LRRC28: variants seen among roughly 807,000 people sequenced by gnomAD.
The protein encoded by LRRC28 is leucine rich repeat containing 28, also known as leucine-rich repeat-containing protein 28.
Under a neutral mutation model 45.7 loss-of-function variants are expected in LRRC28, and 39 were observed. The observed-to-expected ratio is 0.85, with a 90% CI of 0.66 to 1.12. The LOEUF (loss-of-function observed/expected upper bound fraction) is 1.12. Among genes scored for constraint, LRRC28 ranks in the 50% most tolerant of loss-of-function variants. LRRC28 has a pLI of 0.00. For missense variants in LRRC28, 435 were observed against 438.5 expected, an observed-to-expected ratio of 0.99 and a Z score of 0.07; for synonymous variants, 206 against 178.8, an observed-to-expected ratio of 1.15 and a Z score of -1.22.
At chr15:99,299,937 T>A (rs1255944276) in intron 5 of LRRC28, among the ~76,000 whole-genome samples, 1 of 152,290 alleles carries the variant, frequency 6.6e-6, no homozygotes. Context: ...ATAACAAATA[T>A]CACTAGTTGT....
chr15:99,382,530 A>G (rs6598240), intron 9 of LRRC28, among the ~76,000 whole-genome samples: 41,809 of 152,172 alleles, frequency 0.27, 5,848 homozygotes, highest in East Asian at 0.36. Flanking sequence ...GTTTAATTTC[A>G]AAATATTTAG....
intron 7 of LRRC28, among the ~76,000 whole-genome samples, chr15:99,357,430 C>G (rs1338416667): frequency 6.6e-6 from 1 of 152,166 alleles, no homozygotes; most frequent in Non-Finnish European, 1.5e-5. Flanking sequence ...CTACAGTACA[C>G]AAAGCAACAT....
At chr15:99,329,491 G>A (rs1956090318) in intron 5 of LRRC28, among the ~76,000 whole-genome samples, 1 of 152,182 alleles carries the variant, frequency 6.6e-6, no homozygotes, top group Non-Finnish European at 1.5e-5. Flanking sequence ...TTCCAACACT[G>A]GAGGTATAAA....
chr15:99,269,255 T>C (rs954805207), intron 2 of LRRC28, among the ~76,000 whole-genome samples: 1 of 152,264 alleles, frequency 6.6e-6, no homozygotes, highest in African/African-American at 2.4e-5. Context: ...AATACTTTCA[T>C]TTATTTCTAA....
At chr15:99,287,091 ATTAG>A (rs1390862214) in intron 3 of LRRC28, among the ~76,000 whole-genome samples, 162 bp from the exon 4 acceptor site, 1 of 152,236 alleles carries the variant, frequency 6.6e-6, no homozygotes, top group Non-Finnish European at 1.5e-5. Flanking sequence ...TCAAAGTATT[ATTAG>A]TTAGCTGTGA....
intron 6 of LRRC28, among the ~76,000 whole-genome samples, chr15:99,347,644 T>G (rs1430289771): frequency 6.6e-6 from 1 of 152,262 alleles, no homozygotes; most frequent in Non-Finnish European, 1.5e-5. Context: ...TTCCATTATG[T>G]ATATGTACCA....
At chr15:99,307,806 A>G (rs1198826337) in intron 5 of LRRC28, among the ~76,000 whole-genome samples, 1 of 152,190 alleles carries the variant, frequency 6.6e-6, no homozygotes, top group Non-Finnish European at 1.5e-5. Flanking sequence ...TTAAGGTGCA[A>G]TATGTTATAC....
intron 9 of LRRC28, among the ~76,000 whole-genome samples, chr15:99,379,980 A>G (rs1957767792): frequency 6.6e-6 from 1 of 152,210 alleles, no homozygotes; most frequent in African/African-American, 2.4e-5. Context: ...CAATTTTTGA[A>G]TAAGTGTGAT....
chr15:99,313,387 A>C (rs1955483621), intron 5 of LRRC28, among the ~76,000 whole-genome samples: 1 of 152,104 alleles, frequency 6.6e-6, no homozygotes, highest in East Asian at 1.9e-4. Context: ...GAGAACAAGT[A>C]AAGATATAGA....
At chr15:99,284,042 C>G (rs1212740935) in intron 3 of LRRC28, among the ~76,000 whole-genome samples, 1 of 152,210 alleles carries the variant, frequency 6.6e-6, no homozygotes, top group Non-Finnish European at 1.5e-5. Flanking sequence ...CCTGCAACAT[C>G]ACAGATTAGG....
intron 5 of LRRC28, among the ~76,000 whole-genome samples, chr15:99,306,238 A>G (rs533580740): frequency 9.2e-5 from 14 of 152,352 alleles, no homozygotes; most frequent in African/African-American, 2.9e-4. Context: ...ACAGAAATAA[A>G]ACTGTGCACG....
chr15:99,276,575 G>C lies in LRRC28; in HGVS notation c.169-1G>C. The C allele has an allele frequency of 1.3e-6, 2 of 1,535,394 alleles. No homozygotes were observed. The highest frequency in any genetic ancestry group is 1.7e-6 in the Non-Finnish European group (2 of 1,149,188). ...TTTAATTCTGAGTTTTTAATTTTCAGCCAGAAAACCTTGCTCAGAAGCTTC... is the reference window on the plus strand; with the variant it reads ...TTTAATTCTGAGTTTTTAATTTTCACCCAGAAAACCTTGCTCAGAAGCTTC... On this transcript the variant is annotated splice_acceptor_variant, in intron 2 of 9. Coordinates refer to ENST00000301981, the MANE Select transcript of LRRC28 (RefSeq NM_144598.5). LOFTEE classifies it high-confidence loss of function.
chr15:99,259,000 G>T (rs765590361), intron 2 of LRRC28: 1 of 778,140 alleles, frequency 1.3e-6, no homozygotes, highest in Admixed American at 1.7e-5. Flanking sequence ...TGATTAGGAA[G>T]AAACTTGTTC....
intron 9 of LRRC28, among the ~76,000 whole-genome samples, chr15:99,364,241 G>A (rs1342829008): frequency 1.3e-5 from 2 of 152,184 alleles, no homozygotes; most frequent in Admixed American, 1.3e-4. Context: ...GGATACAACA[G>A]CCTGCGTGGC....
chr15:99,380,799 A>G (rs111346679), intron 9 of LRRC28, among the ~76,000 whole-genome samples: 1 of 152,162 alleles, frequency 6.6e-6, no homozygotes, highest in African/African-American at 2.4e-5. Context: ...ATGAAGCTTA[A>G]TTTGGCTGGA....
intron 9 of LRRC28, among the ~76,000 whole-genome samples, chr15:99,378,488 G>A (rs189707960): frequency 5.3e-4 from 81 of 152,310 alleles, no homozygotes; most frequent in African/African-American, 1.9e-3. Flanking sequence ...TCTGCAAACA[G>A]GGACAGTTTG....
chr15:99,294,769 A>C (rs2082219445), intron 5 of LRRC28, among the ~76,000 whole-genome samples: 1 of 152,212 alleles, frequency 6.6e-6, no homozygotes. Context: ...GTTTCAACAT[A>C]TGAATTTAGA....
rs189954071 is a variant in LRRC28 at position 99,285,501 on chromosome 15, G to C, written c.210-1756G>C. On this transcript the variant is annotated intron_variant, in intron 3 of 9. Coordinates refer to ENST00000301981, the MANE Select transcript of LRRC28 (RefSeq NM_144598.5). ...CAGAGTGACTCCTCAGGCTCTCATC[G>C]GTTGTTTCAAAGCTCAGGCCTCCAA... 5,569 of 1,072,314 alleles carry C rather than the reference G, an allele frequency of 5.2e-3. 25 individuals carry two copies. Among genetic ancestry groups the C allele is most frequent in the Non-Finnish European group, 6.4e-3 (4,549 of 708,220 alleles). The allele number at this position is 1,072,314 out of a possible 1,614,324, so 66.4% of individuals were successfully genotyped here. A position where few individuals can be genotyped will look rare whatever the true frequency, so the allele number is the denominator to read the frequency against.
chr15:99,328,260 G>A (rs987624884), intron 5 of LRRC28, among the ~76,000 whole-genome samples: 1 of 152,162 alleles, frequency 6.6e-6, no homozygotes, highest in Non-Finnish European at 1.5e-5. Context: ...AGTCCTGAAT[G>A]TGAGAACCCC....
Sources: gnomAD v4.1 joint callset for allele counts (sites outside exome capture counted in the v4.1 genomes callset) on GRCh38, gnomAD v4.1.1 for gene constraint, MANE v1.5 for transcripts, NCBI Gene and HGNC (gene_info 2026-07-23, HGNC 2026-07-21) for gene names.